CFAP36: variants seen among roughly 807,000 people sequenced by gnomAD.
The protein encoded by CFAP36 is cilia and flagella associated protein 36.
CFAP36 carries 37 observed loss-of-function variants against 50.5 expected under a neutral mutation model. The observed-to-expected ratio is 0.73, with a 90% CI of 0.56 to 0.96. The LOEUF is 0.96. CFAP36 is among the 50% of genes least tolerant of loss of function. The probability of loss-of-function intolerance (pLI) is 0.00; values close to 1 mark genes in which losing one functional copy is unlikely to be tolerated. For synonymous variants in CFAP36, 138 were observed against 128.2 expected (o/e 1.08, Z -0.52); for missense variants, 407 against 396.2 (o/e 1.03, Z -0.23).
intron 1 of CFAP36, 81 bp from the exon 2 acceptor site, chr2:55,522,021 T>C (rs934862301): frequency 1.4e-6 from 1 of 698,166 alleles, no homozygotes; most frequent in Non-Finnish European, 2.5e-6. Flanking sequence ...GACAGTTCTA[T>C]TTGGAAGGAG....
intron 4 of CFAP36, among the ~76,000 whole-genome samples, chr2:55,529,716 G>A (rs1684306003): frequency 1.4e-5 from 2 of 145,750 alleles, no homozygotes; most frequent in African/African-American, 2.5e-5. Context: ...GCATGATCTC[G>A]GCTTACTGCA....
In CFAP36 at chr2:55,522,678, G is replaced by A. The variant is rs529043180; in HGVS notation, c.180+512G>A. Reference sequence around the variant, plus strand: ...TTTTTTTGTATTTTGTAGAGATGGCGTTTCTCTGTGTTTCCCAGGCTGGTG... The same window carrying A: ...TTTTTTTGTATTTTGTAGAGATGGCATTTCTCTGTGTTTCCCAGGCTGGTG... On this transcript the variant is annotated intron_variant, in intron 2 of 9. Transcript: ENST00000349456. 1.4e-3 allele frequency among the ~76,000 whole-genome samples: 214 copies of A among 152,212 alleles called. 1 individual carries two copies. Among genetic ancestry groups the A allele is most frequent in the Non-Finnish European group, 2.1e-3 (141 of 68,016 alleles).
chr2:55,527,695 C>T (rs1378847550), intron 3 of CFAP36, among the ~76,000 whole-genome samples: 1 of 152,142 alleles, frequency 6.6e-6, no homozygotes, highest in African/African-American at 2.4e-5. Context: ...TTCTCAAGAT[C>T]ACACAGAATG....
intron 1 of CFAP36, among the ~76,000 whole-genome samples, 163 bp downstream of exon 1, chr2:55,520,079 G>A (rs1443395911): frequency 6.6e-6 from 1 of 152,200 alleles, no homozygotes; most frequent in African/African-American, 2.4e-5. Flanking sequence ...CGCGTCATCA[G>A]GTTTAGAGCT....
chr2:55,526,584 G>C (rs1415092756), intron 3 of CFAP36, among the ~76,000 whole-genome samples: 1 of 152,168 alleles, frequency 6.6e-6, no homozygotes, highest in Non-Finnish European at 1.5e-5. Flanking sequence ...TAGGACTATA[G>C]GTGTGCACCA....
intron 3 of CFAP36, among the ~76,000 whole-genome samples, chr2:55,526,205 T>G (rs1359292631): frequency 6.6e-6 from 1 of 152,270 alleles, no homozygotes; most frequent in African/African-American, 2.4e-5. Context: ...TTTGCCCTAC[T>G]AAATTGTAAG....
chr2:55,524,704 C>T (rs764752633), intron 3 of CFAP36, among the ~76,000 whole-genome samples: 3 of 151,662 alleles, frequency 2.0e-5, no homozygotes, highest in Non-Finnish European at 4.4e-5. Flanking sequence ...AAACCAGGCC[C>T]GGAGTAGTGG....
intron 4 of CFAP36, among the ~76,000 whole-genome samples, 184 bp downstream of exon 4, chr2:55,529,176 C>T (rs188545530): frequency 1.3e-5 from 2 of 152,170 alleles, no homozygotes. Flanking sequence ...AATCACAGCA[C>T]TTTGGGAGGC....
At chr2:55,533,705 A>AT (rs200590896) in intron 4 of CFAP36, among the ~76,000 whole-genome samples, 168 bp from the exon 5 acceptor site, 7,220 of 126,770 alleles carry the variant, frequency 0.057, 246 homozygotes, top group South Asian at 0.092. Flanking sequence ...AAAAAAAAAA[A>AT]AAAATATATA....
At chr2:55,524,237 A>C (rs1259229275) in intron 3 of CFAP36, among the ~76,000 whole-genome samples, 1 of 152,060 alleles carries the variant, frequency 6.6e-6, no homozygotes, top group Admixed American at 6.6e-5. Context: ...GTAGTAATAC[A>C]TATGTTATAA....
rs1015332422 is a variant in CFAP36, at chr2:55,528,893, G to T, written c.298G>T (p.Val100Leu). 1 of 1,606,774 alleles carries T rather than the reference G, an allele frequency of 6.2e-7. No homozygotes were observed. Among genetic ancestry groups the T allele is most frequent in the Non-Finnish European group, 8.5e-7 (1 of 1,176,882 alleles). ...THTSQAILQP[V>L]LAAEDFTIFK... ...CTTTCCACAGGCCATTTTGCAACCT[G>T]TGTTGGCAGCAGAAGATTTTACTAT... is the stretch of plus-strand genomic sequence containing the variant. Residue 100 changes from valine to leucine, a missense_variant, in exon 4 of 10, where the codon GTG (valine) becomes TTG (leucine). Physicochemically the swap from Val to Leu is conservative, Grantham distance 32 (BLOSUM62 1). Transcript: ENST00000349456.
At chr2:55,532,398 A>G (rs1044590507) in intron 4 of CFAP36, among the ~76,000 whole-genome samples, 14 of 152,240 alleles carry the variant, frequency 9.2e-5, no homozygotes, top group African/African-American at 2.9e-4. Context: ...ATTTAGAGAA[A>G]TTGCAAATGA....
In CFAP36 at chr2:55,528,904, A is replaced by C; in HGVS notation, c.309A>C (p.Ala103=). The C allele has an allele frequency of 6.2e-7, 1 of 1,608,962 alleles. No individual in the cohort carries two copies. The highest frequency in any genetic ancestry group is 8.5e-7 in the Non-Finnish European group (1 of 1,177,872). ...CCATTTTGCAACCTGTGTTGGCAGC[A>C]GAAGATTTTACTATCTTTAAAGCAA... ...SQAILQPVLA[A]EDFTIFKAMM... is the part of the protein sequence containing the mutation. The change falls in exon 4 of 10, where the codon GCA becomes GCC. Residue 103 remains alanine (A), a synonymous_variant. Coordinates refer to ENST00000349456, the MANE Select transcript of CFAP36 (RefSeq NM_080667.7).
intron 7 of CFAP36, among the ~76,000 whole-genome samples, chr2:55,540,597 G>T (rs971969690): frequency 1.3e-5 from 2 of 152,150 alleles, no homozygotes; most frequent in Non-Finnish European, 2.9e-5. Flanking sequence ...CCATATAAAT[G>T]TTAGAATCTG....
chr2:55,537,638 A>G (rs1250577262), intron 7 of CFAP36, 53 bp downstream of exon 7: 1 of 1,150,750 alleles, frequency 8.7e-7, no homozygotes, highest in Non-Finnish European at 1.3e-6. Context: ...CATAAACACC[A>G]TATAGAATGT....
At position 55,519,748 on chromosome 2, in the gene CFAP36, C is replaced by CCGGGGT; in HGVS notation, c.-52_-47dup. The CCGGGGT allele has an allele frequency of 6.3e-7, 1 of 1,587,132 alleles. No homozygotes were observed. The highest frequency in any genetic ancestry group is 8.6e-7 in the Non-Finnish European group (1 of 1,156,296). On this transcript the variant is annotated 5_prime_UTR_variant, in exon 1 of 10. Coordinates refer to ENST00000349456, the MANE Select transcript of CFAP36 (RefSeq NM_080667.7). Reference sequence around the variant, plus strand: ...GGCTCCTTGTGGCCCAAAGGCCTAACCGGGGTCCGGCGGTCTGGCCTAGGG... The same window carrying CCGGGGT: ...GGCTCCTTGTGGCCCAAAGGCCTAACCGGGGTCGGGGTCCGGCGGTCTGGCCTAGGG...
intron 9 of CFAP36, 22 bp downstream of exon 9, chr2:55,544,391 C>A: frequency 6.3e-7 from 1 of 1,579,206 alleles, no homozygotes; most frequent in East Asian, 2.2e-5. Flanking sequence ...CTTAATATGT[C>A]AAGATTTACA....
In CFAP36 at chr2:55,544,280, A is replaced by G. The variant is rs1244769777; in HGVS notation, c.838A>G (p.Arg280Gly). 6.2e-7 allele frequency: 1 copy of G among 1,613,970 alleles called. No individual in the cohort carries two copies. Among genetic ancestry groups the G allele is most frequent in the Non-Finnish European group, 8.5e-7 (1 of 1,179,886 alleles). The change falls in exon 9 of 10, where the codon AGA becomes GGA. Residue 280 changes from arginine to glycine, a missense_variant. By Grantham distance (125) the Arg-to-Gly change is moderately radical. Transcript: ENST00000349456. ...ACGAGAACACTATCTCAAGCAGAAGAGAGATAAGTTGATGTCCATGAGAAA... is the reference window on the plus strand; with the variant it reads ...ACGAGAACACTATCTCAAGCAGAAGGGAGATAAGTTGATGTCCATGAGAAA... ...RQREHYLKQK[R>G]DKLMSMRKDM...
chr2:55,521,481 G>T (rs1047486974), intron 1 of CFAP36, among the ~76,000 whole-genome samples: 15 of 151,822 alleles, frequency 9.9e-5, no homozygotes, highest in Non-Finnish European at 4.4e-5. Context: ...AAGTTATGAA[G>T]AAATTATTGC....
Sources: gnomAD v4.1 joint callset for allele counts (sites outside exome capture counted in the v4.1 genomes callset) on GRCh38, gnomAD v4.1.1 for gene constraint, MANE v1.5 for transcripts, NCBI Gene and HGNC (gene_info 2026-07-23, HGNC 2026-07-21) for gene names.